HYDIN: variants seen among roughly 807,000 people sequenced by gnomAD.
HYDIN encodes axonemal central pair apparatus protein HYDIN.
In HYDIN, 132 loss-of-function variants were observed where a neutral mutation model predicts 403.9. The observed-to-expected ratio is 0.33, with a 90% CI of 0.28 to 0.38. HYDIN has a LOEUF of 0.38. HYDIN is among the 10% of genes least tolerant of loss of function. HYDIN has a pLI of 1.00. For synonymous variants in HYDIN, 1,202 were observed against 1,891.7 expected, an observed-to-expected ratio of 0.64 and a Z score of 9.46; for missense variants, 2,827 against 5,009.5, an observed-to-expected ratio of 0.56 and a Z score of 13.15.
At chr16:71,206,933 G>T (rs2088328710) in intron 1 of HYDIN, among the ~76,000 whole-genome samples, 1 of 152,152 alleles carries the variant, frequency 6.6e-6, no homozygotes, top group East Asian at 1.9e-4. Context: ...TATGAAAAGA[G>T]ACCAAATCTA....
chr16:71,111,389 A>G (rs575647074), intron 10 of HYDIN, among the ~76,000 whole-genome samples: 2 of 152,342 alleles, frequency 1.3e-5, no homozygotes, highest in South Asian at 4.1e-4. Flanking sequence ...CCTCTGCAAG[A>G]AAGTTCCAAA....
Position 71,008,252 on chromosome 16 carries a change from T to C in HYDIN, c.3644+9877A>G, listed in dbSNP as rs1211637588. Reference sequence around the variant, plus strand: ...ACTTTAGCCTCATGCAATATTGCCATGTAACAAATCTGCACATGTATCCCC... The same window carrying C: ...ACTTTAGCCTCATGCAATATTGCCACGTAACAAATCTGCACATGTATCCCC... On this transcript the variant is annotated intron_variant, in intron 23 of 85. Coordinates refer to ENST00000393567, the MANE Select transcript of HYDIN (RefSeq NM_001270974.2). 1.2e-4 allele frequency among the ~76,000 whole-genome samples: 18 copies of C among 151,986 alleles called. No individual in the cohort carries two copies. In the East Asian group the frequency reaches 1.9e-3, roughly 16 times the overall value.
intron 23 of HYDIN, among the ~76,000 whole-genome samples, chr16:71,002,450 G>C (rs1567975789): frequency 6.6e-6 from 1 of 151,614 alleles, no homozygotes; most frequent in Admixed American, 6.6e-5. Context: ...TAGTTGGAGG[G>C]CTGAGGCAGG....
chr16:70,956,426 G>T (rs185929895), intron 39 of HYDIN, among the ~76,000 whole-genome samples: 3 of 152,334 alleles, frequency 2.0e-5, no homozygotes, highest in Middle Eastern at 3.4e-3. Flanking sequence ...CTGAATAATG[G>T]CTCCTCCAAA....
At chr16:71,113,353 CAT>C (rs966147116) in intron 10 of HYDIN, 1 of 150,898 alleles carries the variant, frequency 6.6e-6, no homozygotes, top group African/African-American at 2.4e-5. Flanking sequence ...TTACTATCTA[CAT>C]GTTTTACTTA....
intron 1 of HYDIN, among the ~76,000 whole-genome samples, chr16:71,213,566 G>C (rs1409414358): frequency 1.3e-5 from 2 of 151,970 alleles, no homozygotes; most frequent in Non-Finnish European, 2.9e-5. Flanking sequence ...AAACTGAATA[G>C]TAAAAAGAAT....
At chr16:71,057,779 G>A (rs369521464) in intron 18 of HYDIN, among the ~76,000 whole-genome samples, 2,063 of 146,350 alleles carry the variant, frequency 0.014, 53 homozygotes, top group South Asian at 0.094. Flanking sequence ...AAAAGTGGGC[G>A]AAGGACATGA....
chr16:71,207,942 GA>G (rs2088385845), intron 1 of HYDIN, among the ~76,000 whole-genome samples: 1 of 152,074 alleles, frequency 6.6e-6, no homozygotes. Flanking sequence ...AGAGATCTAT[GA>G]ATAGGCTTAG....
intron 52 of HYDIN, among the ~76,000 whole-genome samples, chr16:70,902,020 T>C (rs1481067526): frequency 6.6e-6 from 1 of 152,022 alleles, no homozygotes; most frequent in Non-Finnish European, 1.5e-5. Flanking sequence ...AAAATTCACA[T>C]ATAAGCAGAC....
intron 1 of HYDIN, among the ~76,000 whole-genome samples, chr16:71,202,333 T>A (rs967050565): frequency 1.3e-5 from 2 of 152,226 alleles, no homozygotes; most frequent in Non-Finnish European, 2.9e-5. Flanking sequence ...CAAATACACA[T>A]TTGTTTACAC....
In HYDIN at chr16:71,123,869, C is replaced by A. The variant is rs1445292602; in HGVS notation, c.1227+5771G>T. Among the ~76,000 whole-genome samples, 3 of 152,298 alleles carry A rather than the reference C, an allele frequency of 2.0e-5. No individual in the cohort carries two copies. In the East Asian group the frequency reaches 5.8e-4, roughly 29 times the overall value. On this transcript the variant is annotated intron_variant, in intron 9 of 85. Transcript: ENST00000393567. ...CTTGTCTGCCACCATGTAAGACATGCCTTTCACCTTCTGCCATGATTATGA... is the reference window on the plus strand; with the variant it reads ...CTTGTCTGCCACCATGTAAGACATGACTTTCACCTTCTGCCATGATTATGA...
intron 6 of HYDIN, among the ~76,000 whole-genome samples, chr16:71,157,510 T>G (rs1259239635): frequency 5.3e-5 from 8 of 150,234 alleles, no homozygotes; most frequent in South Asian, 4.2e-4. Flanking sequence ...CAATATGATG[T>G]GACCACAAAT....
intron 67 of HYDIN, chr16:70,865,186 T>C (rs1285409150): frequency 1.4e-5 from 5 of 369,892 alleles, no homozygotes; most frequent in African/African-American, 2.1e-5. Context: ...TTCTCGCTTC[T>C]TCACTTGGCT....
At chr16:70,903,117 G>A (rs8063854) in intron 52 of HYDIN, among the ~76,000 whole-genome samples, 3,810 of 132,372 alleles carry the variant, frequency 0.029, 205 homozygotes, top group African/African-American at 0.11. Flanking sequence ...GGCTGGTGGT[G>A]GTGATTAAAG....
intron 44 of HYDIN, among the ~76,000 whole-genome samples, chr16:70,936,750 T>C (rs1461511628): frequency 6.7e-6 from 1 of 148,574 alleles, no homozygotes; most frequent in African/African-American, 2.4e-5. Flanking sequence ...CAGGCTGGTC[T>C]CGAACTCATG....
intron 45 of HYDIN, among the ~76,000 whole-genome samples, chr16:70,923,012 C>G (rs2077042719): frequency 1.3e-5 from 2 of 152,044 alleles, no homozygotes; most frequent in Admixed American, 1.3e-4. Context: ...AAGTGATCTG[C>G]CTGTCTCAGC....
intron 65 of HYDIN, among the ~76,000 whole-genome samples, chr16:70,870,601 G>A (rs2040033677): frequency 6.6e-6 from 1 of 152,072 alleles, no homozygotes; most frequent in Non-Finnish European, 1.5e-5. Context: ...CAAGAATTGA[G>A]GTTGGGAACC....
chr16:71,186,620 G>C lies in HYDIN; in HGVS notation c.135+141C>G, dbSNP rs1333515493. 4 of 681,102 alleles carry C rather than the reference G, an allele frequency of 5.9e-6. No individual in the cohort carries two copies. The African/African-American group carries it at 7.2e-5, about 12-fold the overall frequency. 42.2% of individuals were successfully genotyped at this position (681,102 alleles called of 1,614,324 possible). On this transcript the variant is annotated intron_variant, in intron 2 of 85. Transcript: ENST00000393567. ...AGGCTTTAAAAGGTATCTACACTCTGCAGAAAGCTACCATTATAACTAAAT... is the reference window on the plus strand; with the variant it reads ...AGGCTTTAAAAGGTATCTACACTCTCCAGAAAGCTACCATTATAACTAAAT...
chr16:71,044,039 T>C (rs2081375349), intron 18 of HYDIN, among the ~76,000 whole-genome samples: 1 of 151,922 alleles, frequency 6.6e-6, no homozygotes, highest in Non-Finnish European at 1.5e-5. Context: ...CCTGCCTGCC[T>C]CTGTGTGCTT....
Sources: allele counts gnomAD v4.1 joint callset (sites outside exome capture counted in the v4.1 genomes callset), GRCh38; gene constraint gnomAD v4.1.1; transcripts MANE v1.5; gene names NCBI Gene and HGNC (gene_info 2026-07-23, HGNC 2026-07-21).